ANP32B: variants seen among roughly 807,000 people sequenced by gnomAD.
ANP32B encodes acidic leucine-rich nuclear phosphoprotein 32 family member B.
In ANP32B, 6 loss-of-function variants were observed where a neutral mutation model predicts 32.2. The observed-to-expected ratio is 0.19, with a 90% CI of 0.10 to 0.37. The LOEUF is 0.37. ANP32B is among the 10% of genes least tolerant of loss of function. The probability of loss-of-function intolerance (pLI) is 1.00; values close to 1 mark genes in which losing one functional copy is unlikely to be tolerated. For synonymous variants in ANP32B, 98 were observed against 105.8 expected (o/e 0.93, Z 0.45); for missense variants, 204 against 289.2 (o/e 0.71, Z 2.14).
intron 4 of ANP32B, among the ~76,000 whole-genome samples, chr9:98,008,052 G>A (rs983665443): frequency 1.3e-5 from 2 of 151,908 alleles, no homozygotes; most frequent in Admixed American, 6.6e-5. Context: ...CACGTTTGTC[G>A]CAGAGATAAA....
rs1827878502 is a variant in ANP32B, at chr9:97,994,757, C to T, written c.181C>T (p.Pro61Ser). 12 of 1,597,282 alleles carry T rather than the reference C, an allele frequency of 7.5e-6. No homozygotes were observed. Among genetic ancestry groups the T allele is most frequent in the Non-Finnish European group, 1.0e-5 (12 of 1,173,830 alleles). Reference sequence around the variant, plus strand: ...AGGCTTGATCTCAGTTTCAAATCTCCCCAAGCTGCCTAAATTGAAAAAGGT... The same window carrying T: ...AGGCTTGATCTCAGTTTCAAATCTCTCCAAGCTGCCTAAATTGAAAAAGGT... Reference protein sequence around the residue: ...NVGLISVSNLPKLPKLKKLEL... With the variant: ...NVGLISVSNLSKLPKLKKLEL... Residue 61 changes from proline to serine, a missense_variant, in exon 2 of 7, where the codon CCC becomes TCC. Pro to Ser is a moderately conservative substitution (Grantham distance 74). Coordinates refer to ENST00000339399, the MANE Select transcript of ANP32B (RefSeq NM_006401.3).
chr9:97,993,027 C>G (rs1356197380), intron 1 of ANP32B, among the ~76,000 whole-genome samples: 1 of 152,152 alleles, frequency 6.6e-6, no homozygotes, highest in Non-Finnish European at 1.5e-5. Context: ...CAGAGCCCAG[C>G]TTTTGTCAGA....
At chr9:97,993,454 A>G (rs1164482225) in intron 1 of ANP32B, among the ~76,000 whole-genome samples, 3 of 152,190 alleles carry the variant, frequency 2.0e-5, no homozygotes, top group African/African-American at 7.2e-5. Context: ...TGGTAGGTTC[A>G]CTAAAAGAAT....
chr9:98,011,164 C>T (rs202052250), intron 4 of ANP32B, 107 bp from the exon 5 acceptor site: 14 of 1,447,716 alleles, frequency 9.7e-6, no homozygotes, highest in South Asian at 4.5e-5. Flanking sequence ...GACTGCAGTT[C>T]GTGGCCTTAC....
At chr9:97,999,155 AG>A (rs1399889505) in intron 3 of ANP32B, among the ~76,000 whole-genome samples, 1 of 152,176 alleles carries the variant, frequency 6.6e-6, no homozygotes, top group African/African-American at 2.4e-5. Context: ...TTTAAAGATC[AG>A]GGCCTCTCTA....
Position 98,011,271 on chromosome 9 carries a change from AAGG to A in ANP32B, c.521_523del (p.Gly174del), listed in dbSNP as rs1164696000. On this transcript the variant is annotated inframe_deletion and splice_region_variant, in exon 5 of 7. Transcript: ENST00000339399. Reference sequence around the variant, plus strand: ...TGAATCCCTTTTGGACTATTTTTAGAAGGAGAAGATGAGGAAGACGAGGACGAT... The same window carrying A: ...TGAATCCCTTTTGGACTATTTTTAGAAGAAGATGAGGAAGACGAGGACGAT... 6.4e-7 allele frequency: 1 copy of A among 1,551,070 alleles called. No homozygotes were observed. Among genetic ancestry groups the A allele is most frequent in the Non-Finnish European group, 8.7e-7 (1 of 1,146,672 alleles).
chr9:97,996,889 C>T (rs1215133942), intron 2 of ANP32B, among the ~76,000 whole-genome samples: 3 of 151,958 alleles, frequency 2.0e-5, no homozygotes, highest in East Asian at 1.9e-4. Context: ...TGTGAGCCAC[C>T]GTGCCCGGCC....
chr9:98,013,542 A>G (rs1328624060), intron 6 of ANP32B, among the ~76,000 whole-genome samples: 1 of 152,186 alleles, frequency 6.6e-6, no homozygotes, highest in African/African-American at 2.4e-5. Flanking sequence ...GCTGTTACTT[A>G]TTTAATACTG....
intron 1 of ANP32B, among the ~76,000 whole-genome samples, chr9:97,991,905 T>G (rs2131582888): frequency 6.6e-6 from 1 of 152,358 alleles, no homozygotes; most frequent in East Asian, 1.9e-4. Context: ...AGTTGGTCCC[T>G]TTTATGTCCA....
chr9:97,996,768 A>ATT (rs879427925), intron 2 of ANP32B, among the ~76,000 whole-genome samples: 1 of 144,376 alleles, frequency 6.9e-6, no homozygotes. Flanking sequence ...TACTTTTTGT[A>ATT]TTTTTTTTTT....
At chr9:98,008,503 A>G (rs1051376922) in intron 4 of ANP32B, among the ~76,000 whole-genome samples, 1 of 152,368 alleles carries the variant, frequency 6.6e-6, no homozygotes, top group Middle Eastern at 3.4e-3. Context: ...CAGTGGCCTT[A>G]AAAGTATGGT....
intron 1 of ANP32B, among the ~76,000 whole-genome samples, chr9:97,986,096 C>CTT (rs1827727369): frequency 6.7e-6 from 1 of 149,560 alleles, no homozygotes; most frequent in Non-Finnish European, 1.5e-5. Flanking sequence ...GCTGGGATTA[C>CTT]AGGCGTGAGC....
chr9:97,994,716 T>C lies in ANP32B; in HGVS notation c.140T>C (p.Leu47Pro), dbSNP rs767568260. The C allele has an allele frequency of 6.2e-7, 1 of 1,612,092 alleles. No homozygotes were observed. Among genetic ancestry groups the C allele is most frequent in the Admixed American group, 1.7e-5 (1 of 59,500 alleles). The change falls in exon 2 of 7, where the codon CTC becomes CCC. Residue 47 changes from leucine (L) to proline (P), a missense_variant. By Grantham distance (98) the Leu-to-Pro change is moderately conservative (BLOSUM62 -3). Coordinates refer to ENST00000339399, the MANE Select transcript of ANP32B (RefSeq NM_006401.3). ...LTAEFVNLEF[L>P]SLINVGLISV... ...GCTGAATTTGTGAACTTAGAGTTCC[T>C]CAGTTTAATAAATGTAGGCTTGATC...
At chr9:98,007,690 G>A (rs1463971570) in intron 4 of ANP32B, among the ~76,000 whole-genome samples, 1 of 152,198 alleles carries the variant, frequency 6.6e-6, no homozygotes, top group Non-Finnish European at 1.5e-5. Context: ...AGTCAGAGAG[G>A]TCGCTTCTGG....
At chr9:98,003,222 A>G (rs1828023897) in intron 3 of ANP32B, among the ~76,000 whole-genome samples, 1 of 152,170 alleles carries the variant, frequency 6.6e-6, no homozygotes, top group Non-Finnish European at 1.5e-5. Flanking sequence ...ATCATTGTAC[A>G]ATTTGTGTTT....
At chr9:98,012,285 A>G (rs1379688581) in intron 5 of ANP32B, 136 bp from the exon 6 acceptor site, 1 of 1,118,492 alleles carries the variant, frequency 8.9e-7, no homozygotes. Flanking sequence ...AAAGTAGATA[A>G]AAATAACATT....
chr9:98,014,423 C>A (rs1335707034), intron 6 of ANP32B, among the ~76,000 whole-genome samples: 4 of 151,916 alleles, frequency 2.6e-5, no homozygotes, highest in African/African-American at 7.3e-5. Flanking sequence ...AAAAAACAAC[C>A]TGTATGAAAT....
intron 6 of ANP32B, 54 bp downstream of exon 6, chr9:98,012,526 A>G (rs1238314041): frequency 1.9e-6 from 3 of 1,603,792 alleles, no homozygotes; most frequent in East Asian, 4.5e-5. Context: ...AGAGAAAAAC[A>G]TCCATTATTT....
At chr9:98,003,408 A>G (rs1332187393) in intron 3 of ANP32B, among the ~76,000 whole-genome samples, 3 of 152,130 alleles carry the variant, frequency 2.0e-5, no homozygotes, top group Non-Finnish European at 4.4e-5. Context: ...TAGCCTGTTT[A>G]TATAGTCTCT....
Sources: allele counts gnomAD v4.1 joint callset (sites outside exome capture counted in the v4.1 genomes callset), GRCh38; gene constraint gnomAD v4.1.1; transcripts MANE v1.5; gene names NCBI Gene and HGNC (gene_info 2026-07-23, HGNC 2026-07-21).